ZBTB38: variants seen among roughly 807,000 people sequenced by gnomAD.
The protein encoded by ZBTB38 is zinc finger and BTB domain containing 38.
A neutral mutation model predicts 76.8 loss-of-function variants in ZBTB38; 20 were observed. The ratio of observed to expected loss-of-function variants is 0.26; its 90% CI spans 0.18 to 0.38. The LOEUF (loss-of-function observed/expected upper bound fraction) is 0.38, where lower values mean the gene tolerates loss of function less well. ZBTB38 is among the 10% of genes least tolerant of loss of function. ZBTB38 has a pLI of 1.00. For missense variants in ZBTB38, 1,082 were observed against 1,482.3 expected (o/e 0.73, Z 4.43); for synonymous variants, 504 against 544.2 (o/e 0.93, Z 1.03).
intron 4 of ZBTB38, chr3:141,389,088 C>T (rs1296508216): frequency 1.3e-5 from 2 of 152,226 alleles, no homozygotes; most frequent in African/African-American, 4.8e-5. Flanking sequence ...CCTACCCCTC[C>T]AATGACAAGT....
chr3:141,382,554 A>G (rs1393224971), intron 3 of ZBTB38, among the ~76,000 whole-genome samples: 1 of 152,200 alleles, frequency 6.6e-6, no homozygotes, highest in African/African-American at 2.4e-5. Context: ...TAAAATAAAC[A>G]TTCCATCTGA....
chr3:141,329,477 T>C (rs1368777986), intron 1 of ZBTB38, among the ~76,000 whole-genome samples: 4 of 152,238 alleles, frequency 2.6e-5, no homozygotes, highest in African/African-American at 9.6e-5. Context: ...CTGGAAAGAA[T>C]AATACTGCCA....
intron 5 of ZBTB38, among the ~76,000 whole-genome samples, chr3:141,429,353 G>T (rs1268425342): frequency 6.6e-6 from 1 of 152,058 alleles, no homozygotes; most frequent in Non-Finnish European, 1.5e-5. Context: ...GGGGATGGCG[G>T]CAGGTTGCCT....
rs889746931 is a variant in ZBTB38, at chr3:141,426,186, G to A, written c.1-16203G>A. On this transcript the variant is annotated intron_variant, in intron 5 of 5. Coordinates refer to ENST00000321464, the MANE Select transcript of ZBTB38 (RefSeq NM_001376113.1). Reference sequence around the variant, plus strand: ...ACATGGTAAGCTGTTCCTTCATAGTGTAGTCAGAAGTCACAGGCCAGGTCG... The same window carrying A: ...ACATGGTAAGCTGTTCCTTCATAGTATAGTCAGAAGTCACAGGCCAGGTCG... 24 of 1,289,260 alleles carry A rather than the reference G, an allele frequency of 1.9e-5. No homozygotes were observed. The African/African-American group carries it at 3.3e-4, about 18-fold the overall frequency. The allele number at this position is 1,289,260 out of a possible 1,614,324, so 79.9% of individuals were successfully genotyped here.
intron 5 of ZBTB38, among the ~76,000 whole-genome samples, chr3:141,423,750 T>G (rs1226788082): frequency 6.6e-6 from 1 of 152,126 alleles, no homozygotes; most frequent in Non-Finnish European, 1.5e-5. Context: ...GAACCCAAAT[T>G]TTTAATTATT....
At chr3:141,404,118 A>G (rs776378614) in intron 5 of ZBTB38, 87 bp downstream of exon 5, 2 of 152,246 alleles carry the variant, frequency 1.3e-5, no homozygotes, top group Admixed American at 1.3e-4. Flanking sequence ...GATTCAAGAC[A>G]GCAATCCACC....
Position 141,357,335 on chromosome 3 carries a change from T to C in ZBTB38, c.-738-11286T>C, listed in dbSNP as rs78538035. Among the ~76,000 whole-genome samples the C allele has an allele frequency of 4.6e-3, 703 of 152,348 alleles. 9 individuals are homozygous for C. Among genetic ancestry groups the C allele is most frequent in the East Asian group, 0.029 (153 of 5,194 alleles). ...ATATTTTCTCAAAGTATGTCATTTG[T>C]CTTTCAACAGTGTTTATGGTGTCTT... On this transcript the variant is annotated intron_variant, in intron 1 of 7. Coordinates refer to the ZBTB38 transcript ENST00000509842.
intron 1 of ZBTB38, among the ~76,000 whole-genome samples, chr3:141,335,225 C>T (rs889463928): frequency 5.3e-5 from 8 of 152,204 alleles, no homozygotes; most frequent in African/African-American, 1.7e-4. Flanking sequence ...TAGTTGTCTG[C>T]TCGTGTTATG....
chr3:141,332,251 C>A (rs1198208989), intron 1 of ZBTB38, among the ~76,000 whole-genome samples: 1 of 152,168 alleles, frequency 6.6e-6, no homozygotes, highest in African/African-American at 2.4e-5. Context: ...ATTGAGAATG[C>A]CCTGCTACTC....
chr3:141,399,853 G>A (rs1275337267), intron 4 of ZBTB38, among the ~76,000 whole-genome samples: 1 of 152,116 alleles, frequency 6.6e-6, no homozygotes, highest in Non-Finnish European at 1.5e-5. Flanking sequence ...AACCTGTGTG[G>A]AGATTAAATG....
Position 141,437,268 on chromosome 3 carries a change from G to A in ZBTB38, c.1-5121G>A, listed in dbSNP as rs190504261. Among the ~76,000 whole-genome samples the A allele has an allele frequency of 7.9e-5, 12 of 152,276 alleles. No individual in the cohort carries two copies. The East Asian group carries it at 2.3e-3, about 29-fold the overall frequency. ...CTGACTCTGTCTCTTTCTGCCTGAA[G>A]TTCCCTTTTCTCCTCTTGTCCATAT... On this transcript the variant is annotated intron_variant, in intron 5 of 5. Coordinates refer to ENST00000321464, the MANE Select transcript of ZBTB38 (RefSeq NM_001376113.1).
At position 141,413,255 on chromosome 3, in the gene ZBTB38, C is replaced by T. The variant is rs972571274; in HGVS notation, c.-1+9224C>T. 2.0e-4 allele frequency among the ~76,000 whole-genome samples: 31 copies of T among 152,170 alleles called. No homozygotes were observed. The highest frequency in any genetic ancestry group is 6.5e-4 in the Admixed American group (10 of 15,284). ...GGGGAGGAGGTGGGGAAGACCCAGCCGGCCGAGAGCCTCAGCCACCTTCCT... is the reference window on the plus strand; with the variant it reads ...GGGGAGGAGGTGGGGAAGACCCAGCTGGCCGAGAGCCTCAGCCACCTTCCT... On this transcript the variant is annotated intron_variant, in intron 5 of 5. Coordinates refer to ENST00000321464, the MANE Select transcript of ZBTB38 (RefSeq NM_001376113.1). This position sits in a 1 kb window ranked among gnomAD's most constrained non-coding sequence, Gnocchi z 4.1.
At chr3:141,441,032 C>CAAAAAAAAAAAAAAAAAAAAA (rs202075469) in intron 5 of ZBTB38, among the ~76,000 whole-genome samples, 1 of 64,616 alleles carries the variant, frequency 1.5e-5, no homozygotes, top group Non-Finnish European at 3.6e-5. Flanking sequence ...GACTCAATCT[C>CAAAAAAAAAAAAAAAAAAAAA]AAAAAAAAAA....
chr3:141,441,515 G>A (rs2080204463), intron 5 of ZBTB38, among the ~76,000 whole-genome samples: 9 of 152,164 alleles, frequency 5.9e-5, no homozygotes, highest in Admixed American at 5.9e-4. Context: ...ACTAGAAAAG[G>A]AACCTGATGA....
At chr3:141,381,103 T>A (rs1946139284) in intron 2 of ZBTB38, among the ~76,000 whole-genome samples, 1 of 152,290 alleles carries the variant, frequency 6.6e-6, no homozygotes, top group Non-Finnish European at 1.5e-5. Flanking sequence ...TTGCTCTCCA[T>A]CTGGTGCGTG....
At chr3:141,395,949 C>A (rs548183492) in intron 4 of ZBTB38, among the ~76,000 whole-genome samples, 105 of 152,336 alleles carry the variant, frequency 6.9e-4, no homozygotes, top group African/African-American at 2.4e-3. Flanking sequence ...CTACTGATGT[C>A]TGAGCCTTCA....
intron 5 of ZBTB38, among the ~76,000 whole-genome samples, chr3:141,426,531 C>T (rs1467173120): frequency 7.9e-5 from 12 of 151,886 alleles, no homozygotes; most frequent in African/African-American, 1.9e-4. Flanking sequence ...GAGAGGAGGC[C>T]GGGGGAGGGA....
chr3:141,440,071 A>G (rs981866991), intron 5 of ZBTB38, among the ~76,000 whole-genome samples: 1 of 152,234 alleles, frequency 6.6e-6, no homozygotes, highest in African/African-American at 2.4e-5. Context: ...ATTTGTAGAA[A>G]TAATCCCCCA....
intron 1 of ZBTB38, among the ~76,000 whole-genome samples, chr3:141,354,650 A>G (rs972718902): frequency 4.6e-5 from 7 of 152,118 alleles, no homozygotes; most frequent in Non-Finnish European, 1.0e-4. Context: ...ATTCATCGGC[A>G]TATCTCTCCA....
Sources: allele counts gnomAD v4.1 joint callset (sites outside exome capture counted in the v4.1 genomes callset), GRCh38; gene constraint gnomAD v4.1.1; non-coding constraint Gnocchi (gnomAD v3.1); transcripts MANE v1.5; gene names NCBI Gene and HGNC (gene_info 2026-07-23, HGNC 2026-07-21).